The following UBR2 variants were observed in gnomAD, a reference collection of about 807,000 sequenced individuals.
UBR2 encodes the protein E3 ubiquitin-protein ligase UBR2.
A neutral mutation model predicts 247.9 loss-of-function variants in UBR2; 92 were observed. The ratio of observed to expected loss-of-function variants is 0.37; its 90% CI spans 0.31 to 0.44. UBR2 has a LOEUF of 0.44. UBR2 is among the 20% of genes least tolerant of loss of function. UBR2 has a pLI of 1.00. For synonymous variants in UBR2, 672 were observed against 693.5 expected, an observed-to-expected ratio of 0.97 and a Z score of 0.49; for missense variants, 1,613 against 2,112.6, an observed-to-expected ratio of 0.76 and a Z score of 4.64.
chr6:42,672,355 C>A (rs73424446), intron 36 of UBR2, among the ~76,000 whole-genome samples: 3 of 151,942 alleles, frequency 2.0e-5, no homozygotes, highest in Non-Finnish European at 4.4e-5. Flanking sequence ...TTAGCCTGGG[C>A]ATTCACATTC....
chr6:42,657,962 G>A (rs1032073144), intron 26 of UBR2, 62 bp from the exon 27 acceptor site: 24 of 1,249,132 alleles, frequency 1.9e-5, no homozygotes, highest in East Asian at 7.0e-5. Flanking sequence ...GTTCCTGTGC[G>A]TAGGAATAAG....
intron 4 of UBR2, among the ~76,000 whole-genome samples, chr6:42,602,457 CTCA>C: frequency 6.6e-6 from 1 of 151,974 alleles, no homozygotes; most frequent in African/African-American, 2.4e-5. Flanking sequence ...CTGCATCAGC[CTCA>C]CAAAGTGCTG....
At chr6:42,627,869 C>G (rs1795453176) in intron 11 of UBR2, among the ~76,000 whole-genome samples, 1 of 152,104 alleles carries the variant, frequency 6.6e-6, no homozygotes. Context: ...CCACATTCCT[C>G]CCAAAGTTAG....
chr6:42,601,875 CTTTTTTTTTTT>C (rs534921007), intron 4 of UBR2, among the ~76,000 whole-genome samples: 1 of 120,082 alleles, frequency 8.3e-6, no homozygotes. Context: ...TTTTTTTTTT[CTTTTTTTTTTT>C]TTTGATGGAG....
At chr6:42,568,557 G>A (rs973817183) in intron 1 of UBR2, among the ~76,000 whole-genome samples, 11 of 152,048 alleles carry the variant, frequency 7.2e-5, no homozygotes, top group Non-Finnish European at 1.0e-4. Flanking sequence ...GTGAAACTCC[G>A]TCTCTACTAA....
At chr6:42,644,629 T>G in intron 20 of UBR2, 93 bp downstream of exon 20, 1 of 1,024,604 alleles carries the variant, frequency 9.8e-7, no homozygotes, top group Non-Finnish European at 1.5e-6. Context: ...TCCTTTGTTT[T>G]GAGAGGATGC....
In UBR2 at chr6:42,648,108, G is replaced by C; in HGVS notation, c.2410-10G>C. Reference sequence around the variant, plus strand: ...TTAACATGAAACACACTTGTGTCCTGTACCTTTAGGAGAACAAGGAGACTG... The same window carrying C: ...TTAACATGAAACACACTTGTGTCCTCTACCTTTAGGAGAACAAGGAGACTG... On this transcript the variant is annotated splice_polypyrimidine_tract_variant and intron_variant, in intron 21 of 46. Transcript: ENST00000372901. The C allele has an allele frequency of 6.2e-7, 1 of 1,612,748 alleles. No individual in the cohort carries two copies. The highest frequency in any genetic ancestry group is 8.5e-7 in the Non-Finnish European group (1 of 1,178,838).
chr6:42,634,585 G>A (rs1174242484), intron 13 of UBR2, among the ~76,000 whole-genome samples: 2 of 152,240 alleles, frequency 1.3e-5, no homozygotes, highest in East Asian at 3.8e-4. Flanking sequence ...CTCCCGAGTA[G>A]CTGGGATTAC....
At chr6:42,661,656 A>G (rs1797812073) in intron 30 of UBR2, among the ~76,000 whole-genome samples, 1 of 151,992 alleles carries the variant, frequency 6.6e-6, no homozygotes, top group Non-Finnish European at 1.5e-5. Context: ...CCCCCATCTG[A>G]TCTGGTCTGT....
At chr6:42,600,625 C>CAAAAAA (rs71680032) in intron 4 of UBR2, among the ~76,000 whole-genome samples, 1,501 of 105,962 alleles carry the variant, frequency 0.014, 42 homozygotes, top group African/African-American at 0.043. Context: ...GTTACTGTAG[C>CAAAAAA]AAAAAAAAAA....
intron 9 of UBR2, 95 bp downstream of exon 9, chr6:42,615,273 A>G (rs768763009): frequency 2.3e-6 from 2 of 874,896 alleles, no homozygotes; most frequent in Non-Finnish European, 3.2e-6. Context: ...TTTAATACAT[A>G]TATTTGTGCT....
chr6:42,658,480 CT>C (rs939387096), intron 28 of UBR2, among the ~76,000 whole-genome samples, 160 bp downstream of exon 28: 1 of 150,770 alleles, frequency 6.6e-6, no homozygotes, highest in Non-Finnish European at 1.5e-5. Flanking sequence ...TTTTTGTCTG[CT>C]TTTTTTCTTT....
chr6:42,640,724 A>AT (rs540095310), intron 16 of UBR2, among the ~76,000 whole-genome samples: 31 of 150,976 alleles, frequency 2.1e-4, no homozygotes, highest in East Asian at 3.9e-4. Flanking sequence ...AGAGTCTATG[A>AT]TTTTTTTTTA....
At chr6:42,685,874 CA>C (rs879583409) in intron 44 of UBR2, among the ~76,000 whole-genome samples, 94 of 139,278 alleles carry the variant, frequency 6.7e-4, no homozygotes, top group Non-Finnish European at 6.3e-4. Flanking sequence ...GACCTTGTCT[CA>C]AAAAAAAAAA....
At chr6:42,643,514 T>TA in intron 18 of UBR2, among the ~76,000 whole-genome samples, 1 of 152,222 alleles carries the variant, frequency 6.6e-6, no homozygotes, top group South Asian at 2.1e-4. Context: ...GAGAATCACT[T>TA]AAACTTGGGA....
At chr6:42,683,964 A>G (rs889867832) in intron 43 of UBR2, among the ~76,000 whole-genome samples, 1 of 152,230 alleles carries the variant, frequency 6.6e-6, no homozygotes, top group Non-Finnish European at 1.5e-5. Flanking sequence ...TCAGAAGACT[A>G]GAGATTATCT....
chr6:42,688,703 G>T (rs111710498), intron 45 of UBR2, among the ~76,000 whole-genome samples: 1 of 152,144 alleles, frequency 6.6e-6, no homozygotes, highest in Non-Finnish European at 1.5e-5. Flanking sequence ...TACTCTTTCT[G>T]TTATGTCCTC....
At chr6:42,571,266 A>AT (rs1791118816) in intron 1 of UBR2, among the ~76,000 whole-genome samples, 1 of 145,700 alleles carries the variant, frequency 6.9e-6, no homozygotes, top group South Asian at 2.2e-4. Flanking sequence ...AAAAAAAAAA[A>AT]GCATCCCTTC....
chr6:42,653,180 G>A (rs1316362946), intron 25 of UBR2, among the ~76,000 whole-genome samples: 1 of 152,136 alleles, frequency 6.6e-6, no homozygotes, highest in African/African-American at 2.4e-5. Flanking sequence ...TGCCTCCTGG[G>A]TTCAAGTGAT....
Sources: gnomAD v4.1 joint callset for allele counts (sites outside exome capture counted in the v4.1 genomes callset) on GRCh38, gnomAD v4.1.1 for gene constraint, MANE v1.5 for transcripts, NCBI Gene and HGNC (gene_info 2026-07-23, HGNC 2026-07-21) for gene names.